Variants in PLCB1 observed in about 807,000 individuals in gnomAD.
PLCB1 encodes 1-phosphatidylinositol 4,5-bisphosphate phosphodiesterase beta-1.
PLCB1 carries 46 observed loss-of-function variants against 161.8 expected under a neutral mutation model. The observed-to-expected ratio is 0.28, with a 90% confidence interval of 0.22 to 0.36. The LOEUF is 0.36. PLCB1 is among the 10% of genes least tolerant of loss of function. The probability of loss-of-function intolerance (pLI) is 1.00; values close to 1 mark genes in which losing one functional copy is unlikely to be tolerated. For synonymous variants in PLCB1, 517 were observed against 503.7 expected (o/e 1.03, Z -0.35); for missense variants, 1,016 against 1,472.5 (o/e 0.69, Z 5.07).
chr20:8,133,149 CT>C (rs1382655330), intron 1 of PLCB1, among the ~76,000 whole-genome samples: 2 of 152,168 alleles, frequency 1.3e-5, no homozygotes, highest in African/African-American at 2.4e-5. Context: ...GACGCACCCC[CT>C]ATTACCTCTT....
intron 19 of PLCB1, among the ~76,000 whole-genome samples, chr20:8,736,179 C>T (rs1465678682): frequency 6.6e-6 from 1 of 152,202 alleles, no homozygotes; most frequent in South Asian, 2.1e-4. Context: ...TTTCCCCTTC[C>T]TGGTATACAG....
At chr20:8,371,717 C>G in intron 3 of PLCB1, 1 of 352,210 alleles carries the variant, frequency 2.8e-6, no homozygotes, top group Non-Finnish European at 5.1e-6. Flanking sequence ...GCCCAAGTTA[C>G]TGGGTAATTC....
At chr20:8,743,465 A>G (rs1278086042) in intron 23 of PLCB1, among the ~76,000 whole-genome samples, 2 of 152,218 alleles carry the variant, frequency 1.3e-5, no homozygotes, top group South Asian at 2.1e-4. Flanking sequence ...CTGTGTTGCA[A>G]TTCATGCTCC....
chr20:8,643,764 T>TCTCCCC (rs1989034547), intron 4 of PLCB1, among the ~76,000 whole-genome samples: 1 of 144,080 alleles, frequency 6.9e-6, no homozygotes, highest in African/African-American at 2.6e-5. Flanking sequence ...TCCCTCTCCC[T>TCTCCCC]CTCCCTCTCC....
chr20:8,211,435 T>G (rs765826058), intron 2 of PLCB1, among the ~76,000 whole-genome samples: 1 of 152,104 alleles, frequency 6.6e-6, no homozygotes, highest in Non-Finnish European at 1.5e-5. Flanking sequence ...TAACACCATT[T>G]TAGACCATTT....
intron 31 of PLCB1, among the ~76,000 whole-genome samples, chr20:8,841,587 G>A (rs547512911): frequency 6.6e-6 from 1 of 152,128 alleles, no homozygotes; most frequent in Non-Finnish European, 1.5e-5. Context: ...CTGTCTTTCC[G>A]TAAGACAAAT....
chr20:8,733,279 G>C lies in PLCB1; in HGVS notation c.1930G>C (p.Gly644Arg). The change falls in exon 19 of 32, where the codon GGG becomes CGG. Residue 644 changes from glycine to arginine, a missense_variant. Gly to Arg is a moderately radical substitution (Grantham distance 125). This residue lies in a region of PLCB1 where 67 missense variants were observed against 195.6 expected (regional missense o/e 0.34). Coordinates refer to ENST00000338037, the MANE Select transcript of PLCB1 (RefSeq NM_015192.4). ...AAATATGGGGATGTATGAATACAAC[G>C]GGAAGAGTGGCTACAGATTGAAGCC... ...QINMGMYEYN[G>R]KSGYRLKPEF... 6.2e-7 allele frequency: 1 copy of C among 1,613,876 alleles called. No homozygotes were observed. Among genetic ancestry groups the C allele is most frequent in the Non-Finnish European group, 8.5e-7 (1 of 1,179,892 alleles).
intron 2 of PLCB1, among the ~76,000 whole-genome samples, chr20:8,279,068 G>T (rs1217007794): frequency 6.6e-6 from 1 of 151,784 alleles, no homozygotes; most frequent in African/African-American, 2.4e-5. Context: ...AATGTAAAAT[G>T]GTCCAGCTGC....
Position 8,433,745 on chromosome 20 carries a change from A to C in PLCB1, c.246+62295A>C, listed in dbSNP as rs964851915. ...CCTCATCCTCCTCCTCCTCCTCCTC[A>C]TGGACAATTGGTTTCATCCATCTGA... On this transcript the variant is annotated intron_variant, in intron 3 of 31. Coordinates refer to ENST00000338037, the MANE Select transcript of PLCB1 (RefSeq NM_015192.4). Among the ~76,000 whole-genome samples, 20 of 116,194 alleles carry C rather than the reference A, an allele frequency of 1.7e-4. 1 individual carries two copies. The South Asian group carries it at 2.3e-3, about 13-fold the overall frequency. 76.2% of individuals were successfully genotyped at this position (116,194 alleles called of 152,430 possible). A position where few individuals can be genotyped will look rare whatever the true frequency, so the allele number is the denominator to read the frequency against.
chr20:8,456,205 A>G (rs555382803), intron 3 of PLCB1, among the ~76,000 whole-genome samples: 45 of 152,340 alleles, frequency 3.0e-4, no homozygotes, highest in Non-Finnish European at 5.7e-4. Flanking sequence ...TACAACGACT[A>G]AGAAAAATTC....
At chr20:8,234,342 A>G (rs1568599989) in intron 2 of PLCB1, among the ~76,000 whole-genome samples, 1 of 152,118 alleles carries the variant, frequency 6.6e-6, no homozygotes, top group Non-Finnish European at 1.5e-5. Flanking sequence ...AGCAGGGTGG[A>G]GTTACAGAAA....
chr20:8,151,298 A>G (rs1278366617), intron 2 of PLCB1, among the ~76,000 whole-genome samples: 2 of 152,334 alleles, frequency 1.3e-5, no homozygotes, highest in East Asian at 3.9e-4. Flanking sequence ...TCAAAACTCT[A>G]CATTAGTTTC....
intron 3 of PLCB1, among the ~76,000 whole-genome samples, chr20:8,523,496 C>CTCTCTCTCTCTCTCTCTCTCTATA: frequency 1.0e-3 from 54 of 51,626 alleles, no homozygotes; most frequent in Admixed American, 1.9e-3. Context: ...CTCTCTCTCT[C>CTCTCTCTCTCTCTCTCTCTCTATA]TATATATATA....
intron 3 of PLCB1, among the ~76,000 whole-genome samples, chr20:8,465,701 C>T (rs1450677719): frequency 6.6e-6 from 1 of 151,952 alleles, no homozygotes; most frequent in African/African-American, 2.4e-5. Context: ...GACATTTATG[C>T]AGCCAAAAAA....
chr20:8,281,734 C>T (rs1004183468), intron 2 of PLCB1, among the ~76,000 whole-genome samples: 1 of 152,040 alleles, frequency 6.6e-6, no homozygotes, highest in Admixed American at 6.6e-5. Context: ...ACTTATCATT[C>T]AACACATAAG....
At chr20:8,151,282 G>A (rs1398325010) in intron 2 of PLCB1, among the ~76,000 whole-genome samples, 5 of 152,196 alleles carry the variant, frequency 3.3e-5, no homozygotes, top group Non-Finnish European at 5.9e-5. Context: ...CAAATTGTTA[G>A]CTCTTTCAAA....
intron 3 of PLCB1, among the ~76,000 whole-genome samples, chr20:8,539,616 T>TTTTCTTTCTTTC (rs34024831): frequency 1.0e-5 from 1 of 97,236 alleles, no homozygotes; most frequent in Admixed American, 1.1e-4. Context: ...CTTTTCTTTA[T>TTTTCTTTCTTTC]TTTCTTTCTT....
intron 25 of PLCB1, among the ~76,000 whole-genome samples, chr20:8,762,498 A>G (rs1982093086): frequency 6.6e-6 from 1 of 152,220 alleles, no homozygotes; most frequent in South Asian, 2.1e-4. Context: ...ATTTATTTCT[A>G]ATCGTAGGTT....
intron 31 of PLCB1, among the ~76,000 whole-genome samples, chr20:8,838,389 G>T (rs907537646): frequency 6.6e-6 from 1 of 152,146 alleles, no homozygotes; most frequent in Non-Finnish European, 1.5e-5. Flanking sequence ...ATTTCACTGT[G>T]GTCCACCAGG....
Sources: gnomAD v4.1 joint callset for allele counts (sites outside exome capture counted in the v4.1 genomes callset) on GRCh38, gnomAD v4.1.1 for gene constraint, gnomAD v4.1.1 regional missense constraint, MANE v1.5 for transcripts, NCBI Gene and HGNC (gene_info 2026-07-23, HGNC 2026-07-21) for gene names.